CAMK1G: variants seen among roughly 807,000 people sequenced by gnomAD.
CAMK1G encodes calcium/calmodulin-dependent protein kinase type 1G.
CAMK1G carries 27 observed loss-of-function variants against 54.8 expected under a neutral mutation model. The ratio of observed to expected loss-of-function variants is 0.49; its 90% CI spans 0.36 to 0.68. CAMK1G has a LOEUF of 0.68. Among genes scored for constraint, CAMK1G ranks in the 30% least tolerant of loss-of-function variants. CAMK1G has a pLI of 0.00. For missense variants in CAMK1G, 512 were observed against 591.0 expected (o/e 0.87, Z 1.39); for synonymous variants, 238 against 224.9 (o/e 1.06, Z -0.52).
At position 209,612,019 on chromosome 1, in the gene CAMK1G, C is replaced by T. The variant is rs901779877; in HGVS notation, c.1143C>T (p.Pro381=). The change falls in exon 11 of 13, where the codon CCC becomes CCT. Residue 381 remains proline (P), a synonymous_variant. Coordinates refer to ENST00000361322, the MANE Select transcript of CAMK1G (RefSeq NM_020439.3). ...TQLPCQHGRR[P]TAPGGRSLNC... ...TACCCTGCCAGCATGGCCGCCGGCCCACTGCCCCTGGTGGCAGGTCCCTCA... is the reference window on the plus strand; with the variant it reads ...TACCCTGCCAGCATGGCCGCCGGCCTACTGCCCCTGGTGGCAGGTCCCTCA... The T allele has an allele frequency of 6.2e-7, 1 of 1,614,242 alleles. No homozygotes were observed. Among genetic ancestry groups the T allele is most frequent in the Non-Finnish European group, 8.5e-7 (1 of 1,180,034 alleles).
chr1:209,588,355 TGG>T, intron 1 of CAMK1G, among the ~76,000 whole-genome samples: 1 of 5,612 alleles, frequency 1.8e-4, no homozygotes, highest in Admixed American at 2.4e-3. Flanking sequence ...TGGAGCGGAA[TGG>T]ATTGGATTGG....
At position 209,585,387 on chromosome 1, in the gene CAMK1G, G is replaced by A. The variant is rs926385; in HGVS notation, c.-30+1615G>A. ...GCATTACAGCATCATAAGGATGAAG[G>A]TGGAGATGAGTGACATCCCAGCAAC... On this transcript the variant is annotated intron_variant, in intron 1 of 12. Coordinates refer to ENST00000361322, the MANE Select transcript of CAMK1G (RefSeq NM_020439.3). Among the ~76,000 whole-genome samples, 2,891 of 152,320 alleles carry A rather than the reference G, an allele frequency of 0.019. 144 individuals carry two copies. In the East Asian group the frequency reaches 0.22, roughly 12 times the overall value.
At chr1:209,586,493 G>A (rs956911431) in intron 1 of CAMK1G, among the ~76,000 whole-genome samples, 1 of 152,054 alleles carries the variant, frequency 6.6e-6, no homozygotes, top group Non-Finnish European at 1.5e-5. Flanking sequence ...CACTGTGAAA[G>A]GCACGTGGGA....
chr1:209,584,991 T>C (rs1468062918), intron 1 of CAMK1G, among the ~76,000 whole-genome samples: 1 of 152,218 alleles, frequency 6.6e-6, no homozygotes, highest in African/African-American at 2.4e-5. Flanking sequence ...TTATTTCCCC[T>C]TTAGTATAGA....
At chr1:209,612,690 A>C in intron 11 of CAMK1G, 95 bp from the exon 12 acceptor site, 1 of 980,392 alleles carries the variant, frequency 1.0e-6, no homozygotes, top group Non-Finnish European at 1.6e-6. Flanking sequence ...AGCTGAGTGG[A>C]TGCCACAGGC....
intron 1 of CAMK1G, among the ~76,000 whole-genome samples, chr1:209,593,503 G>C (rs1341025402): frequency 1.3e-5 from 2 of 152,126 alleles, no homozygotes; most frequent in South Asian, 4.1e-4. Context: ...CAAAGGAACA[G>C]AGATTCCCTC....
chr1:209,612,399 G>A (rs1665805647), intron 11 of CAMK1G, 183 bp downstream of exon 11: 1 of 668,350 alleles, frequency 1.5e-6, no homozygotes, highest in Non-Finnish European at 2.6e-6. Flanking sequence ...TACTAGTTGT[G>A]AGGCCATTGA....
At chr1:209,591,915 G>T (rs1045383492) in intron 1 of CAMK1G, among the ~76,000 whole-genome samples, 1 of 152,136 alleles carries the variant, frequency 6.6e-6, no homozygotes, top group Non-Finnish European at 1.5e-5. Flanking sequence ...CCAGCTGGCC[G>T]TGACCTGCTC....
rs772521312 is a variant in CAMK1G, at chr1:209,600,046, G to A, written c.156G>A (p.Lys52=). ...QRLTGKLFAL[K]CIKKSPAFRD... ...TGACTGGGAAGCTCTTTGCTCTGAA[G>A]TGCATCAAGAAGTCACCTGCCTTCC... is the stretch of plus-strand genomic sequence containing the variant. The change falls in exon 3 of 13, where the codon AAG becomes AAA. Residue 52 remains lysine (K), a synonymous_variant. Coordinates refer to ENST00000361322, the MANE Select transcript of CAMK1G (RefSeq NM_020439.3). The A allele has an allele frequency of 6.2e-7, 1 of 1,614,028 alleles. No individual in the cohort carries two copies. The highest frequency in any genetic ancestry group is 1.1e-5 in the South Asian group (1 of 91,080).
At chr1:209,588,145 C>T (rs1665148857) in intron 1 of CAMK1G, among the ~76,000 whole-genome samples, 1 of 152,172 alleles carries the variant, frequency 6.6e-6, no homozygotes, top group Admixed American at 6.5e-5. Flanking sequence ...GTGACAGCAC[C>T]AGCAAAAGGA....
At chr1:209,584,719 T>C (rs1665051308) in intron 1 of CAMK1G, among the ~76,000 whole-genome samples, 1 of 152,132 alleles carries the variant, frequency 6.6e-6, no homozygotes, top group African/African-American at 2.4e-5. Context: ...GGAAAGCCTC[T>C]GAGAAGGGTC....
intron 11 of CAMK1G, 135 bp from the exon 12 acceptor site, chr1:209,612,650 T>A: frequency 1.5e-6 from 1 of 678,052 alleles, no homozygotes. Context: ...TTCTGCAGGT[T>A]CTTGAACTTT....
intron 1 of CAMK1G, among the ~76,000 whole-genome samples, chr1:209,594,382 T>C (rs1665329491): frequency 6.6e-6 from 1 of 152,234 alleles, no homozygotes; most frequent in Admixed American, 6.5e-5. Context: ...ATAAATATGG[T>C]AACTCCAGAA....
intron 11 of CAMK1G, 82 bp from the exon 12 acceptor site, chr1:209,612,703 A>G: frequency 8.7e-7 from 1 of 1,147,606 alleles, no homozygotes; most frequent in Non-Finnish European, 1.3e-6. Flanking sequence ...CCACAGGCAC[A>G]GAGAACTACC....
intron 1 of CAMK1G, among the ~76,000 whole-genome samples, chr1:209,594,576 G>C (rs1665333988): frequency 6.6e-6 from 1 of 152,216 alleles, no homozygotes; most frequent in Admixed American, 6.5e-5. Flanking sequence ...TGACATTAGA[G>C]AGGAAGCCTG....
chr1:209,606,322 C>T lies in CAMK1G; in HGVS notation c.438C>T (p.Pro146=), dbSNP rs777272134. The T allele has an allele frequency of 3.2e-5, 52 of 1,613,488 alleles. No individual in the cohort carries two copies. The highest frequency in any genetic ancestry group is 3.3e-4 in the Middle Eastern group (2 of 6,080). The change falls in exon 6 of 13, where the codon CCC becomes CCT. Residue 146 remains proline, a splice_region_variant and synonymous_variant. Transcript: ENST00000361322. ...ENGIVHRDLK[P]ENLLYLTPEE... The stretch of plus-strand genomic sequence containing the variant: ...ACTACATATTTTTTCTCCTACAGCC[C>T]GAAAACCTGCTTTACCTTACCCCTG...
Position 209,610,918 on chromosome 1 carries a change from G to A in CAMK1G, c.828-547G>A, listed in dbSNP as rs545936555. 2.0e-5 allele frequency among the ~76,000 whole-genome samples: 3 copies of A among 152,306 alleles called. No individual in the cohort carries two copies. In the East Asian group the frequency reaches 5.8e-4, roughly 29 times the overall value. On this transcript the variant is annotated intron_variant, in intron 9 of 12. Transcript: ENST00000361322. Reference sequence around the variant, plus strand: ...CAGTGAATAAGAGGCTAAGGGGATAGGAAAGGGGCAGCCTGTACCAGACGG... The same window carrying A: ...CAGTGAATAAGAGGCTAAGGGGATAAGAAAGGGGCAGCCTGTACCAGACGG...
chr1:209,604,471 T>C (rs912781665), intron 4 of CAMK1G, among the ~76,000 whole-genome samples: 1 of 152,182 alleles, frequency 6.6e-6, no homozygotes, highest in South Asian at 2.1e-4. Context: ...GTGTATTTCC[T>C]ACAGGCCTTC....
intron 4 of CAMK1G, among the ~76,000 whole-genome samples, chr1:209,604,432 G>C (rs17388303): frequency 0.057 from 8,732 of 152,264 alleles, 377 homozygotes; most frequent in Non-Finnish European, 0.092. Context: ...GGCCCCTCAG[G>C]GTTAAGAATT....
Sources: gnomAD v4.1 joint callset for allele counts (sites outside exome capture counted in the v4.1 genomes callset) on GRCh38, gnomAD v4.1.1 for gene constraint, MANE v1.5 for transcripts, NCBI Gene and HGNC (gene_info 2026-07-23, HGNC 2026-07-21) for gene names.